Variants in SNX9 observed in about 807,000 individuals in gnomAD.
SNX9 encodes sorting nexin-9.
In SNX9, 44 loss-of-function variants were observed where a neutral mutation model predicts 89.4. The observed-to-expected ratio is 0.49, with a 90% CI of 0.39 to 0.63. The LOEUF (loss-of-function observed/expected upper bound fraction) is 0.63. Among genes scored for constraint, SNX9 ranks in the 30% least tolerant of loss-of-function variants. The pLI is 0.00. For synonymous variants in SNX9, 236 were observed against 247.8 expected (o/e 0.95, Z 0.45); for missense variants, 578 against 736.1 (o/e 0.79, Z 2.49).
rs781738814 is a variant in SNX9, at chr6:157,940,937, G to A, written c.1703G>A (p.Arg568His). 68 of 1,614,078 alleles carry A rather than the reference G, an allele frequency of 4.2e-5. No individual in the cohort carries two copies. The highest frequency in any genetic ancestry group is 2.2e-5 in the East Asian group (1 of 44,896). Residue 568 changes from arginine (R) to histidine (H), a missense_variant, in exon 17 of 18, where the codon CGC becomes CAC. By Grantham distance (29) the Arg-to-His change is conservative. Around this residue, in one of 2 missense-constraint regions of SNX9, gnomAD observed 348 missense variants for 491.4 expected, o/e 0.71. Coordinates refer to ENST00000392185, the MANE Select transcript of SNX9 (RefSeq NM_016224.5). The stretch of plus-strand genomic sequence containing the variant: ...ATCTATGATTACAACAGTGTCATCC[G>A]CCTGTACCTGGAGCAGCAAGTGCAA... ...NRIYDYNSVI[R>H]LYLEQQVQFY...
chr6:157,887,402 C>T (rs939714585), intron 4 of SNX9, among the ~76,000 whole-genome samples: 2 of 152,186 alleles, frequency 1.3e-5, no homozygotes, highest in South Asian at 2.1e-4. Flanking sequence ...AGACCCCTCA[C>T]GTGATGGGCT....
chr6:157,870,435 C>T (rs955984905), intron 2 of SNX9, among the ~76,000 whole-genome samples: 1 of 151,478 alleles, frequency 6.6e-6, no homozygotes, highest in African/African-American at 2.4e-5. Flanking sequence ...CACTCACATG[C>T]TGTCACACAG....
At chr6:157,888,579 T>C (rs1299256094) in intron 4 of SNX9, among the ~76,000 whole-genome samples, 1 of 152,222 alleles carries the variant, frequency 6.6e-6, no homozygotes, top group African/African-American at 2.4e-5. Context: ...AGGTGGATAT[T>C]TTGGCTCAGA....
chr6:157,933,273 A>T (rs1442891706), intron 13 of SNX9, among the ~76,000 whole-genome samples: 1 of 152,146 alleles, frequency 6.6e-6, no homozygotes, highest in African/African-American at 2.4e-5. Context: ...CAATATGGGC[A>T]ACAGAGTGAG....
At chr6:157,847,150 T>C (rs1781820835) in intron 1 of SNX9, among the ~76,000 whole-genome samples, 1 of 152,178 alleles carries the variant, frequency 6.6e-6, no homozygotes, top group South Asian at 2.1e-4. Flanking sequence ...TCTCCCAAGC[T>C]AGAATGCAGT....
Position 157,873,167 on chromosome 6 carries a change from C to A in SNX9, c.165C>A (p.Asp55Glu). 1 of 1,595,152 alleles carries A rather than the reference C, an allele frequency of 6.3e-7. No individual in the cohort carries two copies. Among genetic ancestry groups the A allele is most frequent in the South Asian group, 1.1e-5 (1 of 87,040 alleles). Residue 55 changes from aspartate (D) to glutamate (E), a missense_variant, in exon 3 of 18, where the codon GAC becomes GAA. Around this residue, in one of 2 missense-constraint regions of SNX9, gnomAD observed 230 missense variants for 244.7 expected, o/e 0.94. Transcript: ENST00000392185. ...GAGAACGAGGGCTGGTTCCCACAGA[C>A]TACGTTGAAGTAAGAGCTTCCTGTC... ...IKGERGLVPT[D>E]YVEILPSDGK...
chr6:157,930,071 G>A (rs1000827220), intron 12 of SNX9, among the ~76,000 whole-genome samples: 1 of 152,078 alleles, frequency 6.6e-6, no homozygotes, highest in Admixed American at 6.5e-5. Flanking sequence ...AGCCTAAAAC[G>A]TTTACTATCT....
chr6:157,875,242 C>T, intron 4 of SNX9, 66 bp downstream of exon 4: 1 of 1,547,170 alleles, frequency 6.5e-7, no homozygotes, highest in Middle Eastern at 1.9e-4. Flanking sequence ...TTTGTGAAGG[C>T]TTGTGATGCA....
intron 7 of SNX9, 22 bp downstream of exon 7, chr6:157,906,234 T>G (rs1278346717): frequency 6.3e-7 from 1 of 1,589,584 alleles, no homozygotes; most frequent in Non-Finnish European, 8.6e-7. Flanking sequence ...TATTTTTGTT[T>G]GCTTTCTTTC....
intron 13 of SNX9, among the ~76,000 whole-genome samples, chr6:157,935,661 G>T (rs866870936): frequency 1.3e-5 from 2 of 152,140 alleles, no homozygotes; most frequent in Non-Finnish European, 2.9e-5. Context: ...TGACAGTCTC[G>T]TCATAGGTGT....
intron 9 of SNX9, among the ~76,000 whole-genome samples, chr6:157,916,067 C>G (rs1368781755): frequency 1.3e-5 from 2 of 150,948 alleles, no homozygotes; most frequent in Admixed American, 1.3e-4. Context: ...CGGAGTCTCG[C>G]TCTGTCGCCC....
intron 10 of SNX9, among the ~76,000 whole-genome samples, chr6:157,926,252 C>T (rs907472773): frequency 3.9e-5 from 6 of 152,076 alleles, no homozygotes; most frequent in Non-Finnish European, 7.4e-5. Context: ...AAGGACAATG[C>T]GGGGGCTTTT....
At chr6:157,935,429 A>G (rs1783903154) in intron 13 of SNX9, among the ~76,000 whole-genome samples, 1 of 151,952 alleles carries the variant, frequency 6.6e-6, no homozygotes, top group African/African-American at 2.4e-5. Flanking sequence ...GGGACAGGGG[A>G]GTGTGTGACA....
Position 157,942,808 on chromosome 6 carries a change from G to A in SNX9, c.1758G>A (p.Arg586=), listed in dbSNP as rs201826358. 2.2e-5 allele frequency: 36 copies of A among 1,613,970 alleles called. No homozygotes were observed. In the African/African-American group the frequency reaches 4.0e-4, roughly 18 times the overall value. The change falls in exon 18 of 18, where the codon AGG becomes AGA. Residue 586 remains arginine (R), a synonymous_variant. Transcript: ENST00000392185. Reference sequence around the variant, plus strand: ...CTTGTCAGATTGCAGAAAAGCTGAGGCAGGCCCTCAGCCGCTTTCCAGTGA... The same window carrying A: ...CTTGTCAGATTGCAGAAAAGCTGAGACAGGCCCTCAGCCGCTTTCCAGTGA... The part of the protein sequence containing the change: ...QFYETIAEKL[R]QALSRFPVM
At chr6:157,885,973 T>TA (rs1329096005) in intron 4 of SNX9, among the ~76,000 whole-genome samples, 1 of 152,228 alleles carries the variant, frequency 6.6e-6, no homozygotes, top group Non-Finnish European at 1.5e-5. Flanking sequence ...TTAAATATGT[T>TA]ACCATTTTCA....
chr6:157,833,980 C>T (rs893840974), intron 1 of SNX9, among the ~76,000 whole-genome samples: 2 of 151,912 alleles, frequency 1.3e-5, no homozygotes, highest in African/African-American at 4.8e-5. Context: ...GTCTGTCTCT[C>T]CACGCTGGGG....
intron 10 of SNX9, among the ~76,000 whole-genome samples, chr6:157,923,894 C>T (rs1482874375): frequency 6.6e-6 from 1 of 152,202 alleles, no homozygotes; most frequent in African/African-American, 2.4e-5. Context: ...CGCTACCTCA[C>T]TACAATCTGC....
intron 4 of SNX9, 121 bp from the exon 5 acceptor site, chr6:157,896,706 T>C (rs1441641568): frequency 8.8e-7 from 1 of 1,131,862 alleles, no homozygotes. Context: ...TTGTTTTGAA[T>C]ACATTTCTAT....
chr6:157,936,023 A>C lies in SNX9; in HGVS notation c.1426A>C (p.Ser476Arg). 6.2e-7 allele frequency: 1 copy of C among 1,612,526 alleles called. No homozygotes were observed. Among genetic ancestry groups the C allele is most frequent in the African/African-American group, 1.3e-5 (1 of 75,020 alleles). The change falls in exon 14 of 18, where the codon AGT (serine) becomes CGT (arginine). Residue 476 changes from serine to arginine, a missense_variant. Physicochemically the swap from Ser to Arg is moderately radical, Grantham distance 110. Coordinates refer to ENST00000392185, the MANE Select transcript of SNX9 (RefSeq NM_016224.5). Reference sequence around the variant, plus strand: ...AGGAAAGACTTATGAAGAAATTGCCAGTCTCGTGGCAGAACAGGTACTAAC... The same window carrying C: ...AGGAAAGACTTATGAAGAAATTGCCCGTCTCGTGGCAGAACAGGTACTAAC... ...EAGKTYEEIA[S>R]LVAEQPKKDL...
Sources: gnomAD v4.1 joint callset for allele counts (sites outside exome capture counted in the v4.1 genomes callset) on GRCh38, gnomAD v4.1.1 for gene constraint, gnomAD v4.1.1 regional missense constraint, MANE v1.5 for transcripts, NCBI Gene and HGNC (gene_info 2026-07-23, HGNC 2026-07-21) for gene names.